Variants in TSHZ2 observed in about 807,000 individuals in gnomAD.
TSHZ2 encodes teashirt zinc finger homeobox 2.
TSHZ2 carries 21 observed loss-of-function variants against 74.4 expected under a neutral mutation model. The ratio of observed to expected loss-of-function variants is 0.28; its 90% CI spans 0.20 to 0.41. The LOEUF (loss-of-function observed/expected upper bound fraction) is 0.41. TSHZ2 is among the 10% of genes least tolerant of loss of function. TSHZ2 has a pLI of 1.00. For synonymous variants in TSHZ2, 540 were observed against 515.3 expected (o/e 1.05, Z -0.65); for missense variants, 1,244 against 1,293.5 (o/e 0.96, Z 0.59).
At chr20:53,219,858 A>G (rs906387630) in intron 1 of TSHZ2, among the ~76,000 whole-genome samples, 1 of 152,220 alleles carries the variant, frequency 6.6e-6, no homozygotes, top group Non-Finnish European at 1.5e-5. Flanking sequence ...TCTGAGTCAA[A>G]CTAAATATGT....
chr20:53,170,698 A>G (rs2123483855), intron 1 of TSHZ2, among the ~76,000 whole-genome samples: 1 of 152,330 alleles, frequency 6.6e-6, no homozygotes, highest in East Asian at 1.9e-4. Flanking sequence ...GGTATGAAAA[A>G]AGGTTTCTAA....
chr20:53,017,228 G>A (rs1983070075), intron 1 of TSHZ2, among the ~76,000 whole-genome samples: 1 of 152,222 alleles, frequency 6.6e-6, no homozygotes, highest in East Asian at 1.9e-4. Context: ...CTGAAATGAG[G>A]CTCAGGGTAA....
intron 2 of TSHZ2, among the ~76,000 whole-genome samples, chr20:53,480,706 T>C (rs1216762338): frequency 6.6e-6 from 1 of 152,064 alleles, no homozygotes; most frequent in Non-Finnish European, 1.5e-5. Context: ...TGCCCCCTTT[T>C]AGCAACCATA....
intron 2 of TSHZ2, among the ~76,000 whole-genome samples, chr20:53,417,725 A>G (rs574171367): frequency 9.9e-5 from 15 of 152,272 alleles, no homozygotes; most frequent in African/African-American, 3.4e-4. Context: ...TGCTTGCTGC[A>G]TTTGCTTCTC....
intron 1 of TSHZ2, among the ~76,000 whole-genome samples, chr20:52,989,559 T>C (rs1294167050): frequency 1.3e-5 from 2 of 152,234 alleles, no homozygotes; most frequent in Non-Finnish European, 2.9e-5. Context: ...GCCTCACTCC[T>C]GTAAAATAGG....
intron 2 of TSHZ2, among the ~76,000 whole-genome samples, chr20:53,312,644 A>G (rs1043470442): frequency 6.6e-6 from 1 of 152,234 alleles, no homozygotes; most frequent in Non-Finnish European, 1.5e-5. Context: ...TAACAGGCTT[A>G]CAGCTGGATT....
intron 1 of TSHZ2, among the ~76,000 whole-genome samples, chr20:53,238,266 G>A (rs778386762): frequency 2.2e-4 from 34 of 152,168 alleles, no homozygotes; most frequent in Admixed American, 3.9e-4. Context: ...TTGATTGCAA[G>A]CGATAAATAT....
chr20:53,455,049 G>A (rs1048948757), intron 2 of TSHZ2, among the ~76,000 whole-genome samples: 4 of 151,766 alleles, frequency 2.6e-5, no homozygotes, highest in African/African-American at 9.7e-5. Context: ...CTTGTCAGTT[G>A]GAGAGATAGA....
At chr20:53,447,945 A>T (rs1329893174) in intron 2 of TSHZ2, among the ~76,000 whole-genome samples, 1 of 141,128 alleles carries the variant, frequency 7.1e-6, no homozygotes, top group Non-Finnish European at 1.5e-5. Context: ...ACGGAGTCTC[A>T]CTCTGTTGCC....
chr20:53,200,263 T>C (rs1371290695), intron 1 of TSHZ2, among the ~76,000 whole-genome samples: 1 of 152,168 alleles, frequency 6.6e-6, no homozygotes, highest in Admixed American at 6.5e-5. Context: ...GCAATGTTCA[T>C]GCAGTGTCAC....
At chr20:52,988,770 C>G (rs1462126113) in intron 1 of TSHZ2, among the ~76,000 whole-genome samples, 1 of 152,088 alleles carries the variant, frequency 6.6e-6, no homozygotes. Context: ...TGAAAACCCC[C>G]AACACAGTCC....
chr20:53,309,236 G>A (rs1978677209), intron 2 of TSHZ2, among the ~76,000 whole-genome samples: 1 of 152,202 alleles, frequency 6.6e-6, no homozygotes. Context: ...GTTGCTGTCA[G>A]GTCACACAGA....
rs1174094714 is a variant in TSHZ2 at position 53,074,970 on chromosome 20, C to A, written c.40+101637C>A. On this transcript the variant is annotated intron_variant, in intron 1 of 2. Coordinates refer to ENST00000371497, the MANE Select transcript of TSHZ2 (RefSeq NM_173485.6). The surrounding 1 kb of genome is among the most constrained non-coding windows in gnomAD (Gnocchi z 5.9). ...CACTCAACCACAGATGTTTTATGTCCTCTTTTGTCGCTGACGTTTCCTCCA... is the reference window on the plus strand; with the variant it reads ...CACTCAACCACAGATGTTTTATGTCATCTTTTGTCGCTGACGTTTCCTCCA... Among the ~76,000 whole-genome samples the A allele has an allele frequency of 6.6e-6, 1 of 152,188 alleles. No individual in the cohort carries two copies. The highest frequency in any genetic ancestry group is 1.5e-5 in the Non-Finnish European group (1 of 68,026).
chr20:53,128,213 T>C (rs1987000530), intron 1 of TSHZ2, among the ~76,000 whole-genome samples: 1 of 152,182 alleles, frequency 6.6e-6, no homozygotes, highest in African/African-American at 2.4e-5. Flanking sequence ...AAACAAATTC[T>C]TCCACTGAAG....
intron 2 of TSHZ2, among the ~76,000 whole-genome samples, chr20:53,402,062 C>T (rs537266128): frequency 3.9e-5 from 6 of 152,254 alleles, no homozygotes; most frequent in African/African-American, 1.2e-4. Flanking sequence ...GGATTACAGG[C>T]GTGAGCCACC....
chr20:53,120,705 TA>T (rs569623433), intron 1 of TSHZ2, among the ~76,000 whole-genome samples: 1 of 152,188 alleles, frequency 6.6e-6, no homozygotes, highest in African/African-American at 2.4e-5. Context: ...TTACCTCTTA[TA>T]AAAAAATCCA....
chr20:53,079,416 C>T (rs529888609), intron 1 of TSHZ2, among the ~76,000 whole-genome samples: 1 of 152,318 alleles, frequency 6.6e-6, no homozygotes, highest in East Asian at 1.9e-4. Context: ...GACATGTTCA[C>T]ACTGGAAGAG....
chr20:53,438,019 T>G (rs1984156756), intron 2 of TSHZ2, among the ~76,000 whole-genome samples: 1 of 152,252 alleles, frequency 6.6e-6, no homozygotes, highest in African/African-American at 2.4e-5. Context: ...CAGTCTCGGG[T>G]ATCCCCTTAT....
At chr20:53,060,316 C>G (rs1984778374) in intron 1 of TSHZ2, among the ~76,000 whole-genome samples, 1 of 152,142 alleles carries the variant, frequency 6.6e-6, no homozygotes. Context: ...TGGCAAAGGT[C>G]TATGGCAAAT....
Sources: allele counts gnomAD v4.1 joint callset (sites outside exome capture counted in the v4.1 genomes callset), GRCh38; gene constraint gnomAD v4.1.1; non-coding constraint Gnocchi (gnomAD v3.1); transcripts MANE v1.5; gene names NCBI Gene and HGNC (gene_info 2026-07-23, HGNC 2026-07-21).